The following GABRG3 variants were observed in gnomAD, a reference collection of about 807,000 sequenced individuals.
GABRG3 encodes gamma-aminobutyric acid type A receptor subunit gamma3.
In GABRG3, 25 loss-of-function variants were observed where a neutral mutation model predicts 48.8. The ratio of observed to expected loss-of-function variants is 0.51; its 90% CI spans 0.37 to 0.72. GABRG3 has a LOEUF of 0.72. Ranked by LOEUF, GABRG3 falls within the 30% of genes least tolerant of loss-of-function variation. The probability of loss-of-function intolerance (pLI) is 0.00; values close to 1 mark genes in which losing one functional copy is unlikely to be tolerated. For missense variants in GABRG3, 394 were observed against 577.9 expected (o/e 0.68, Z 3.26); for synonymous variants, 227 against 217.6 (o/e 1.04, Z -0.38).
chr15:27,094,325 G>A (rs1382143718), intron 3 of GABRG3, among the ~76,000 whole-genome samples: 1 of 152,172 alleles, frequency 6.6e-6, no homozygotes, highest in African/African-American at 2.4e-5. Context: ...GAGGTGATGA[G>A]GGTTTCCAGA....
intron 3 of GABRG3, among the ~76,000 whole-genome samples, chr15:27,195,504 G>T (rs1292350869): frequency 6.6e-6 from 1 of 151,688 alleles, no homozygotes; most frequent in Non-Finnish European, 1.5e-5. Context: ...GCTAATTTTT[G>T]TATTTTTAGT....
chr15:26,990,995 G>T, intron 2 of GABRG3, among the ~76,000 whole-genome samples: 1 of 151,796 alleles, frequency 6.6e-6, no homozygotes, highest in Non-Finnish European at 1.5e-5. Context: ...AATAGAGATG[G>T]GATTTCACCA....
chr15:26,984,772 G>A (rs9920966), intron 2 of GABRG3, among the ~76,000 whole-genome samples: 59,374 of 152,058 alleles, frequency 0.39, 12,770 homozygotes, highest in Middle Eastern at 0.56. Context: ...TCTACTGAAA[G>A]CAGATGATTA....
chr15:27,000,737 A>G (rs1895428456), intron 2 of GABRG3, among the ~76,000 whole-genome samples: 1 of 152,100 alleles, frequency 6.6e-6, no homozygotes, highest in Admixed American at 6.5e-5. Flanking sequence ...TTAGAAGCTG[A>G]GCAGATGCCA....
At chr15:27,174,339 C>A (rs77494440) in intron 3 of GABRG3, among the ~76,000 whole-genome samples, 4,085 of 152,248 alleles carry the variant, frequency 0.027, 212 homozygotes, top group African/African-American at 0.095. Flanking sequence ...TTAACTTGTT[C>A]TATTCCCCAC....
intron 3 of GABRG3, among the ~76,000 whole-genome samples, chr15:27,171,359 G>C (rs1236913220): frequency 1.3e-5 from 2 of 151,922 alleles, no homozygotes; most frequent in East Asian, 3.9e-4. Flanking sequence ...TATTTCCCCT[G>C]GCCTACCAAT....
intron 5 of GABRG3, among the ~76,000 whole-genome samples, chr15:27,423,429 T>C (rs1888191291): frequency 6.6e-6 from 1 of 151,950 alleles, no homozygotes; most frequent in Non-Finnish European, 1.5e-5. Flanking sequence ...TGAGTTCCTA[T>C]ATGTAGGGAA....
chr15:27,190,380 A>G (rs917507704), intron 3 of GABRG3, among the ~76,000 whole-genome samples: 1 of 152,122 alleles, frequency 6.6e-6, no homozygotes, highest in Non-Finnish European at 1.5e-5. Flanking sequence ...TTGGTAAGCT[A>G]TTGATTATTG....
intron 5 of GABRG3, among the ~76,000 whole-genome samples, chr15:27,399,406 C>T (rs974260516): frequency 1.3e-5 from 2 of 152,164 alleles, no homozygotes; most frequent in Non-Finnish European, 2.9e-5. Context: ...TGCATAATAA[C>T]GGCCTCCAGT....
At position 27,526,123 on chromosome 15, in the gene GABRG3, G is replaced by T. The variant is rs575740373; in HGVS notation, c.866-1310G>T. Among the ~76,000 whole-genome samples, 4 of 152,284 alleles carry T rather than the reference G, an allele frequency of 2.6e-5. No individual in the cohort carries two copies. The South Asian group carries it at 8.3e-4, about 32-fold the overall frequency. Reference sequence around the variant, plus strand: ...CACAAGTTAAGGAAACTGATTCAAAGATGGTAAGTGACTCCTCATGGCCAA... The same window carrying T: ...CACAAGTTAAGGAAACTGATTCAAATATGGTAAGTGACTCCTCATGGCCAA... On this transcript the variant is annotated intron_variant, in intron 7 of 9. Transcript: ENST00000615808.
intron 3 of GABRG3, among the ~76,000 whole-genome samples, chr15:27,084,951 C>T (rs151043091): frequency 1.1e-3 from 171 of 152,322 alleles, no homozygotes; most frequent in Middle Eastern, 6.8e-3. Flanking sequence ...CCCTAGGGGC[C>T]ACTTCCACAG....
intron 3 of GABRG3, among the ~76,000 whole-genome samples, chr15:27,092,849 C>T (rs554038329): frequency 6.6e-6 from 1 of 152,084 alleles, no homozygotes; most frequent in East Asian, 1.9e-4. Context: ...AGAAGAGTGT[C>T]CCCCCTGCAG....
intron 3 of GABRG3, among the ~76,000 whole-genome samples, chr15:27,145,603 C>CTATCTATCTATCTATCTATCATCTA (rs1555405976): frequency 3.6e-4 from 37 of 102,388 alleles, no homozygotes; most frequent in African/African-American, 1.3e-3. Context: ...ATATATCTAT[C>CTATCTATCTATCTATCTATCATCTA]TCTATCTATC....
At chr15:27,009,037 G>A (rs1448600365) in intron 2 of GABRG3, among the ~76,000 whole-genome samples, 1 of 152,122 alleles carries the variant, frequency 6.6e-6, no homozygotes, top group Non-Finnish European at 1.5e-5. Flanking sequence ...GGGACAGGAC[G>A]GTAGGCTCTG....
rs753820210 is a variant in GABRG3 at position 27,520,031 on chromosome 15, A to G, written c.772A>G (p.Ile258Val). The change falls in exon 7 of 10, where the codon ATT becomes GTT. Residue 258 changes from isoleucine to valine, a missense_variant. By Grantham distance (29) the Ile-to-Val change is conservative. Around this residue, in one of 3 missense-constraint regions of GABRG3, gnomAD observed 50 missense variants for 112.5 expected, o/e 0.44. Coordinates refer to ENST00000615808, the MANE Select transcript of GABRG3 (RefSeq NM_033223.5). The part of the protein sequence containing the change: ...ELSRRMGYFT[I>V]QTYIPCILTV... The stretch of plus-strand genomic sequence containing the variant: ...GAGTAGAAGAATGGGATACTTCACC[A>G]TTCAGACATACATTCCCTGTATACT... 6.3e-7 allele frequency: 1 copy of G among 1,591,652 alleles called. No individual in the cohort carries two copies. Among genetic ancestry groups the G allele is most frequent in the East Asian group, 2.2e-5 (1 of 44,568 alleles).
intron 3 of GABRG3, among the ~76,000 whole-genome samples, chr15:27,278,761 TG>T (rs1891338322): frequency 6.6e-6 from 1 of 152,236 alleles, no homozygotes; most frequent in African/African-American, 2.4e-5. Flanking sequence ...TATAGGTTTT[TG>T]TATGGGCATA....
At chr15:27,090,785 T>TAG (rs1328393799) in intron 3 of GABRG3, among the ~76,000 whole-genome samples, 1 of 152,232 alleles carries the variant, frequency 6.6e-6, no homozygotes, top group Non-Finnish European at 1.5e-5. Context: ...TGCTTATTGC[T>TAG]AGTGTGTTTC....
At chr15:27,116,564 G>T (rs1897645296) in intron 3 of GABRG3, among the ~76,000 whole-genome samples, 1 of 152,120 alleles carries the variant, frequency 6.6e-6, no homozygotes, top group Non-Finnish European at 1.5e-5. Flanking sequence ...CTAAGAAAAA[G>T]AAGGAGAAGA....
intron 5 of GABRG3, among the ~76,000 whole-genome samples, chr15:27,407,975 A>G (rs1005292829): frequency 6.6e-6 from 1 of 152,242 alleles, no homozygotes; most frequent in Non-Finnish European, 1.5e-5. Context: ...TTGTGTGACA[A>G]CAATGCGGTA....
Sources: gnomAD v4.1 joint callset for allele counts (sites outside exome capture counted in the v4.1 genomes callset) on GRCh38, gnomAD v4.1.1 for gene constraint, gnomAD v4.1.1 regional missense constraint, MANE v1.5 for transcripts, NCBI Gene and HGNC (gene_info 2026-07-23, HGNC 2026-07-21) for gene names.